Variants in KLHDC10 observed in about 807,000 individuals in gnomAD.
KLHDC10 encodes the protein kelch domain containing 10.
Under a neutral mutation model 56.1 loss-of-function variants are expected in KLHDC10, and 24 were observed. The observed-to-expected ratio is 0.43, with a 90% CI of 0.31 to 0.60. The LOEUF (loss-of-function observed/expected upper bound fraction) is 0.60. Ranked by LOEUF, KLHDC10 falls within the 20% of genes least tolerant of loss-of-function variation. The probability of loss-of-function intolerance (pLI) is 0.11; values close to 1 mark genes in which losing one functional copy is unlikely to be tolerated. For missense variants in KLHDC10, 349 were observed against 567.0 expected, an observed-to-expected ratio of 0.62 and a Z score of 3.91; for synonymous variants, 188 against 207.1, an observed-to-expected ratio of 0.91 and a Z score of 0.79.
At position 130,109,026 on chromosome 7, in the gene KLHDC10, C is replaced by T. The variant is rs532007262; in HGVS notation, c.254-7419C>T. 7.2e-5 allele frequency among the ~76,000 whole-genome samples: 11 copies of T among 151,952 alleles called. No homozygotes were observed. The East Asian group carries it at 9.7e-4, about 13-fold the overall frequency. On this transcript the variant is annotated intron_variant, in intron 2 of 9. Transcript: ENST00000335420. Reference sequence around the variant, plus strand: ...GCCTCCGGGGTCTAAGTGATTCTTCCGCCTCAGCCTCCTGAGTAGCTGGGA... The same window carrying T: ...GCCTCCGGGGTCTAAGTGATTCTTCTGCCTCAGCCTCCTGAGTAGCTGGGA...
intron 4 of KLHDC10, among the ~76,000 whole-genome samples, chr7:130,121,625 G>A (rs1796249011): frequency 6.6e-6 from 1 of 152,230 alleles, no homozygotes; most frequent in African/African-American, 2.4e-5. Context: ...GGGTCCAGTG[G>A]AAAACATCAG....
chr7:130,080,175 C>T (rs1315111733), intron 1 of KLHDC10, among the ~76,000 whole-genome samples: 1 of 152,088 alleles, frequency 6.6e-6, no homozygotes, highest in African/African-American at 2.4e-5. Flanking sequence ...CTCCTGGCCT[C>T]CAGTCATCCT....
rs545161691 is a variant in KLHDC10, at chr7:130,135,057, C to T, written c.*4311C>T. Reference sequence around the variant, plus strand: ...CTGAGTTGTGCTACAAAAGTAGTTCCATCTTTTTGGTGTAATTTTCATGTT... The same window carrying T: ...CTGAGTTGTGCTACAAAAGTAGTTCTATCTTTTTGGTGTAATTTTCATGTT... On this transcript the variant is annotated 3_prime_UTR_variant, in exon 10 of 10. Transcript: ENST00000335420. 1 of 139,642 alleles carries T rather than the reference C, an allele frequency of 7.2e-6. No homozygotes were observed. The highest frequency in any genetic ancestry group is 2.8e-5 in the African/African-American group (1 of 35,422). 8.7% of individuals were successfully genotyped at this position (139,642 alleles called of 1,614,324 possible).
intron 1 of KLHDC10, chr7:130,095,005 G>A (rs1332507393): frequency 6.6e-6 from 1 of 152,024 alleles, no homozygotes; most frequent in Non-Finnish European, 1.5e-5. Flanking sequence ...ATTCTGTCTT[G>A]TATTGCTAAT....
intron 2 of KLHDC10, among the ~76,000 whole-genome samples, chr7:130,100,474 C>G (rs1287462882): frequency 2.0e-5 from 3 of 152,178 alleles, no homozygotes; most frequent in African/African-American, 4.8e-5. Flanking sequence ...GTGCATGTAG[C>G]AGGTATATCA....
intron 2 of KLHDC10, among the ~76,000 whole-genome samples, chr7:130,106,076 G>A (rs577962747): frequency 1.3e-5 from 2 of 152,264 alleles, no homozygotes; most frequent in African/African-American, 4.8e-5. Context: ...TTGAACCTGG[G>A]AGGCGGAGGC....
At chr7:130,080,287 G>A (rs1795585673) in intron 1 of KLHDC10, among the ~76,000 whole-genome samples, 1 of 152,064 alleles carries the variant, frequency 6.6e-6, no homozygotes, top group African/African-American at 2.4e-5. Context: ...TGGTTAAATG[G>A]CATTGAAGTT....
intron 1 of KLHDC10, among the ~76,000 whole-genome samples, chr7:130,093,975 A>C (rs1584625410): frequency 1.3e-5 from 2 of 152,186 alleles, no homozygotes; most frequent in East Asian, 3.9e-4. Flanking sequence ...CCAGAGTGGA[A>C]TTCAGTGGCA....
chr7:130,118,899 T>A (rs186223629), intron 3 of KLHDC10, among the ~76,000 whole-genome samples: 1 of 152,200 alleles, frequency 6.6e-6, no homozygotes, highest in East Asian at 1.9e-4. Context: ...CTCAAAACAG[T>A]TACAATAGTA....
chr7:130,111,679 T>C (rs1796103244), intron 2 of KLHDC10, among the ~76,000 whole-genome samples: 1 of 152,020 alleles, frequency 6.6e-6, no homozygotes, highest in South Asian at 2.1e-4. Flanking sequence ...CTACCACAGG[T>C]AGGTCTCACT....
In KLHDC10 at chr7:130,128,875, T is replaced by TAAAAAAAAAAAAAA. The variant is rs1164826285; in HGVS notation, c.980-560_980-547dup. On this transcript the variant is annotated intron_variant, in intron 8 of 9. Coordinates refer to ENST00000335420, the MANE Select transcript of KLHDC10 (RefSeq NM_014997.4). ...GGTAATATAGTGAGACCTTGTCTCT[T>TAAAAAAAAAAAAAA]AAAAAAAAAAAAAAATATATATATA... 1.9e-4 allele frequency among the ~76,000 whole-genome samples: 8 copies of TAAAAAAAAAAAAAA among 42,322 alleles called. 1 individual carries two copies. Among genetic ancestry groups the TAAAAAAAAAAAAAA allele is most frequent in the South Asian group, 1.0e-3 (1 of 964 alleles). 27.8% of individuals were successfully genotyped at this position (42,322 alleles called of 152,430 possible). A position where few individuals can be genotyped will look rare whatever the true frequency, so the allele number is the denominator to read the frequency against.
chr7:130,128,917 T>TATATATATATATATATAC (rs1563107701), intron 8 of KLHDC10, among the ~76,000 whole-genome samples: 11 of 124,770 alleles, frequency 8.8e-5, no homozygotes, highest in Non-Finnish European at 1.8e-4. Context: ...TATATATATA[T>TATATATATATATATATAC]ATACATACTA....
At chr7:130,123,917 G>C (rs994921728) in intron 5 of KLHDC10, among the ~76,000 whole-genome samples, 1 of 152,190 alleles carries the variant, frequency 6.6e-6, no homozygotes, top group Non-Finnish European at 1.5e-5. Context: ...ACAGTTCTGT[G>C]TAGTATAATT....
chr7:130,130,141 C>T lies in KLHDC10; in HGVS notation c.1120-396C>T, dbSNP rs1486186794. Among the ~76,000 whole-genome samples the T allele has an allele frequency of 6.6e-6, 1 of 151,930 alleles. No homozygotes were observed. The highest frequency in any genetic ancestry group is 1.5e-5 in the Non-Finnish European group (1 of 67,954). ...ACCATCCTGGCTAACACGGATGAAA[C>T]CCCATCTCTACTAAAAATACAAAAA... On this transcript the variant is annotated intron_variant, in intron 9 of 9. Transcript: ENST00000335420. The surrounding 1 kb of genome is among the most constrained non-coding windows in gnomAD (Gnocchi z 4.2).
intron 4 of KLHDC10, 132 bp from the exon 5 acceptor site, chr7:130,121,922 A>T: frequency 1.4e-6 from 1 of 698,160 alleles, no homozygotes; most frequent in African/African-American, 1.8e-5. Flanking sequence ...TTATTCTTTT[A>T]AGAGTCTGAT....
At chr7:130,105,074 G>A (rs575564083) in intron 2 of KLHDC10, among the ~76,000 whole-genome samples, 1 of 152,290 alleles carries the variant, frequency 6.6e-6, no homozygotes, top group Non-Finnish European at 1.5e-5. Context: ...CACAGGAATT[G>A]CTACATTAAA....
rs527358755 is a variant in KLHDC10 at position 130,131,055 on chromosome 7, A to G, written c.*309A>G. ...CCTTAATAATGTTATTAATCAAGACAGATTCCTTTTTAAAGGAATTCTGAA... is the reference window on the plus strand; with the variant it reads ...CCTTAATAATGTTATTAATCAAGACGGATTCCTTTTTAAAGGAATTCTGAA... On this transcript the variant is annotated 3_prime_UTR_variant, in exon 10 of 10. Coordinates refer to ENST00000335420, the MANE Select transcript of KLHDC10 (RefSeq NM_014997.4). 1.0e-4 allele frequency: 24 copies of G among 235,654 alleles called. 1 individual carries two copies. In the South Asian group the frequency reaches 2.5e-3, roughly 24 times the overall value. The allele number at this position is 235,654 out of a possible 1,614,324, so 14.6% of individuals were successfully genotyped here. A position where few individuals can be genotyped will look rare whatever the true frequency, so the allele number is the denominator to read the frequency against.
In KLHDC10 at chr7:130,132,590, G is replaced by A. The variant is rs1355677663; in HGVS notation, c.*1844G>A. On this transcript the variant is annotated 3_prime_UTR_variant, in exon 10 of 10. Coordinates refer to ENST00000335420, the MANE Select transcript of KLHDC10 (RefSeq NM_014997.4). ...GGAATGTGGGAGAGAGGCAGAAAAAGGAGCAGCTCCTCTAGGGGCCCATCC... is the reference window on the plus strand; with the variant it reads ...GGAATGTGGGAGAGAGGCAGAAAAAAGAGCAGCTCCTCTAGGGGCCCATCC... 1.3e-5 allele frequency: 2 copies of A among 152,316 alleles called. No individual in the cohort carries two copies. Among genetic ancestry groups the A allele is most frequent in the South Asian group, 2.1e-4 (1 of 4,816 alleles). 9.4% of individuals were successfully genotyped at this position (152,316 alleles called of 1,614,324 possible). A position where few individuals can be genotyped will look rare whatever the true frequency, so the allele number is the denominator to read the frequency against.
At chr7:130,112,060 C>G (rs1273496803) in intron 2 of KLHDC10, among the ~76,000 whole-genome samples, 1 of 151,952 alleles carries the variant, frequency 6.6e-6, no homozygotes, top group Non-Finnish European at 1.5e-5. Flanking sequence ...TTTATTTTTT[C>G]TATAAAAATT....
Sources: gnomAD v4.1 joint callset for allele counts (sites outside exome capture counted in the v4.1 genomes callset) on GRCh38, gnomAD v4.1.1 for gene constraint, Gnocchi (gnomAD v3.1) non-coding constraint, MANE v1.5 for transcripts, NCBI Gene and HGNC (gene_info 2026-07-23, HGNC 2026-07-21) for gene names.